Variants in KAT6A observed in about 807,000 individuals in gnomAD.
The protein encoded by KAT6A is histone acetyltransferase KAT6A.
KAT6A carries 9 observed loss-of-function variants against 198.4 expected under a neutral mutation model. The observed-to-expected ratio is 0.05, with a 90% CI of 0.03 to 0.08. The LOEUF (loss-of-function observed/expected upper bound fraction) is 0.08. Ranked by LOEUF, KAT6A falls within the 10% of genes least tolerant of loss-of-function variation. The pLI, the probability that KAT6A is intolerant of heterozygous loss-of-function variation, is 1.00. For synonymous variants in KAT6A, 890 were observed against 883.0 expected (o/e 1.01, Z -0.14); for missense variants, 2,077 against 2,509.9 (o/e 0.83, Z 3.69).
intron 2 of KAT6A, among the ~76,000 whole-genome samples, chr8:42,017,992 GA>G (rs1826354435): frequency 6.6e-6 from 1 of 152,138 alleles, no homozygotes; most frequent in Non-Finnish European, 1.5e-5. Context: ...ACCCAAGAAA[GA>G]AAAGACGAGG....
intron 2 of KAT6A, among the ~76,000 whole-genome samples, chr8:42,042,257 G>C (rs1204461326): frequency 6.6e-6 from 1 of 152,204 alleles, no homozygotes; most frequent in East Asian, 1.9e-4. Context: ...AGGAGTTCGA[G>C]ACCAGCCTGG....
chr8:42,039,412 C>T (rs1349511867), intron 2 of KAT6A, among the ~76,000 whole-genome samples: 3 of 152,158 alleles, frequency 2.0e-5, no homozygotes, highest in Non-Finnish European at 4.4e-5. Flanking sequence ...TAGCTAAGAA[C>T]CAAGTCAGTA....
chr8:42,024,715 A>C (rs1826710844), intron 2 of KAT6A, among the ~76,000 whole-genome samples: 1 of 152,170 alleles, frequency 6.6e-6, no homozygotes, highest in South Asian at 2.1e-4. Context: ...ATATCATTTA[A>C]AATAATGGCT....
intron 2 of KAT6A, among the ~76,000 whole-genome samples, chr8:42,039,013 T>C (rs1474721387): frequency 6.6e-6 from 1 of 152,182 alleles, no homozygotes; most frequent in Non-Finnish European, 1.5e-5. Context: ...TACAGATACA[T>C]GTACAGGGCT....
chr8:42,051,637 G>A (rs1802661257), intron 1 of KAT6A, among the ~76,000 whole-genome samples: 1 of 145,476 alleles, frequency 6.9e-6, no homozygotes, highest in Non-Finnish European at 1.5e-5. Context: ...GCGAGCGCGG[G>A]GCCGGGCGGC....
chr8:42,016,571 T>C (rs952626971), intron 2 of KAT6A, among the ~76,000 whole-genome samples: 4 of 152,162 alleles, frequency 2.6e-5, no homozygotes, highest in African/African-American at 7.2e-5. Context: ...TTAACAGTTG[T>C]AAATACAAAA....
intron 2 of KAT6A, among the ~76,000 whole-genome samples, chr8:41,991,216 A>G (rs1010707390): frequency 1.3e-5 from 2 of 152,212 alleles, no homozygotes; most frequent in African/African-American, 4.8e-5. Flanking sequence ...ATTATTCATA[A>G]TAATACATTT....
intron 2 of KAT6A, among the ~76,000 whole-genome samples, chr8:41,989,633 TA>T (rs1475928140): frequency 6.6e-6 from 1 of 152,022 alleles, no homozygotes; most frequent in Non-Finnish European, 1.5e-5. Context: ...CCACTGACAA[TA>T]TAATACAGAG....
At chr8:42,014,317 C>CA (rs1486799369) in intron 2 of KAT6A, among the ~76,000 whole-genome samples, 11 of 152,132 alleles carry the variant, frequency 7.2e-5, no homozygotes, top group Non-Finnish European at 1.3e-4. Flanking sequence ...GTTCCATACA[C>CA]AGTACAAAGC....
At chr8:42,018,076 T>C (rs1011422582) in intron 2 of KAT6A, among the ~76,000 whole-genome samples, 1 of 152,180 alleles carries the variant, frequency 6.6e-6, no homozygotes, top group African/African-American at 2.4e-5. Flanking sequence ...TACTTTATAT[T>C]TTTTGCTTGT....
chr8:42,002,249 C>A (rs1229788453), intron 2 of KAT6A, among the ~76,000 whole-genome samples: 1 of 152,198 alleles, frequency 6.6e-6, no homozygotes, highest in Non-Finnish European at 1.5e-5. Context: ...GATACAAACC[C>A]AGGCAGTCTG....
At chr8:41,970,030 C>A (rs1415176069) in intron 8 of KAT6A, among the ~76,000 whole-genome samples, 1 of 152,204 alleles carries the variant, frequency 6.6e-6, no homozygotes, top group African/African-American at 2.4e-5. Context: ...CCGTCAGAAC[C>A]CCTCACTGCA....
intron 2 of KAT6A, among the ~76,000 whole-genome samples, chr8:42,044,452 G>T (rs1275825380): frequency 6.6e-6 from 1 of 152,092 alleles, no homozygotes; most frequent in South Asian, 2.1e-4. Flanking sequence ...ACTTATCAAT[G>T]TGAAAAGAAC....
intron 2 of KAT6A, among the ~76,000 whole-genome samples, chr8:42,042,487 C>T (rs918275955): frequency 9.2e-5 from 14 of 151,720 alleles, no homozygotes; most frequent in East Asian, 3.9e-4. Flanking sequence ...ATCTCTACAT[C>T]GAAAATTTAA....
rs867134419 is a variant in KAT6A at position 41,996,582 on chromosome 8, C to T, written c.601-9019G>A. ...GAAGGTAATTGGGCCATGAGGGCTCCACCCTCATGACTAGATTAATGCTGT... is the reference window on the plus strand; with the variant it reads ...GAAGGTAATTGGGCCATGAGGGCTCTACCCTCATGACTAGATTAATGCTGT... On this transcript the variant is annotated intron_variant, in intron 2 of 16. Transcript: ENST00000265713. Among the ~76,000 whole-genome samples, 21 of 152,230 alleles carry T rather than the reference C, an allele frequency of 1.4e-4. No homozygotes were observed. In the South Asian group the frequency reaches 1.5e-3, roughly 11 times the overall value.
rs117322048 is a variant in KAT6A, at chr8:42,003,457, T to G, written c.601-15894A>C. ...ATAATTCAAACCTCTTTTTTTTTTT[T>G]TTTGTTTCCCCAGCCCATGGGGTTG... On this transcript the variant is annotated intron_variant, in intron 2 of 16. Coordinates refer to ENST00000265713, the MANE Select transcript of KAT6A (RefSeq NM_006766.5). 5.2e-3 allele frequency among the ~76,000 whole-genome samples: 787 copies of G among 152,140 alleles called. 23 individuals are homozygous for G. In the East Asian group the frequency reaches 0.091, roughly 18 times the overall value.
intron 6 of KAT6A, among the ~76,000 whole-genome samples, chr8:41,977,672 GAAC>G (rs1324170591): frequency 1.3e-5 from 2 of 152,062 alleles, no homozygotes; most frequent in Non-Finnish European, 2.9e-5. Context: ...ACTGGACTAA[GAAC>G]AACTAAGATC....
chr8:41,971,824 T>C (rs1823810114), intron 8 of KAT6A, among the ~76,000 whole-genome samples: 2 of 151,952 alleles, frequency 1.3e-5, no homozygotes, highest in African/African-American at 4.8e-5. Flanking sequence ...GGGTTGGCAG[T>C]AGCAAATACA....
chr8:41,961,820 G>A (rs558252518), intron 8 of KAT6A, among the ~76,000 whole-genome samples: 106 of 148,606 alleles, frequency 7.1e-4, no homozygotes, highest in African/African-American at 2.6e-3. Flanking sequence ...CCCTTTCTCT[G>A]CTCCTAATTA....
Sources: gnomAD v4.1 joint callset for allele counts (sites outside exome capture counted in the v4.1 genomes callset) on GRCh38, gnomAD v4.1.1 for gene constraint, MANE v1.5 for transcripts, NCBI Gene and HGNC (gene_info 2026-07-23, HGNC 2026-07-21) for gene names.